The following USP46 variants were observed in gnomAD, a reference collection of about 807,000 sequenced individuals.
The protein encoded by USP46 is ubiquitin specific peptidase 46, also known as ubiquitin carboxyl-terminal hydrolase 46.
In USP46, 12 loss-of-function variants were observed where a neutral mutation model predicts 44.4. The observed-to-expected ratio is 0.27, with a 90% CI of 0.17 to 0.44. The LOEUF (loss-of-function observed/expected upper bound fraction) is 0.44. Ranked by LOEUF, USP46 falls within the 20% of genes least tolerant of loss-of-function variation. The pLI is 1.00. For missense variants in USP46, 248 were observed against 444.8 expected (o/e 0.56, Z 3.98); for synonymous variants, 155 against 161.5 (o/e 0.96, Z 0.31).
At chr4:52,599,644 C>A (rs1716383914) in intron 7 of USP46, among the ~76,000 whole-genome samples, 1 of 152,144 alleles carries the variant, frequency 6.6e-6, no homozygotes, top group African/African-American at 2.4e-5. Flanking sequence ...AACTAAGCAC[C>A]TGTTACTATG....
At chr4:52,654,674 G>T (rs565815110) in intron 1 of USP46, among the ~76,000 whole-genome samples, 1 of 152,254 alleles carries the variant, frequency 6.6e-6, no homozygotes, top group South Asian at 2.1e-4. Context: ...GGTATTACCA[G>T]TGAGCCACCA....
At position 52,599,880 on chromosome 4, in the gene USP46, C is replaced by G. The variant is rs371668124; in HGVS notation, c.921-1174G>C. Among the ~76,000 whole-genome samples, 95 of 152,050 alleles carry G rather than the reference C, an allele frequency of 6.2e-4. 1 individual carries two copies. The South Asian group carries it at 0.019, about 31-fold the overall frequency. On this transcript the variant is annotated intron_variant, in intron 7 of 8. Transcript: ENST00000441222. ...ATCTGGCTCCTCTCACACACTGCCC[C>G]CTTCATATTATGGGCCTTTGCATTG...
chr4:52,601,344 C>G (rs1001346721), intron 7 of USP46, among the ~76,000 whole-genome samples: 5 of 152,110 alleles, frequency 3.3e-5, no homozygotes, highest in Admixed American at 1.3e-4. Flanking sequence ...CCTTCTCTCT[C>G]TTATCTTTTT....
At chr4:52,653,919 C>A (rs974444094) in intron 1 of USP46, among the ~76,000 whole-genome samples, 1 of 152,094 alleles carries the variant, frequency 6.6e-6, no homozygotes, top group Non-Finnish European at 1.5e-5. Flanking sequence ...TCAATTATAA[C>A]CCAAACATAC....
chr4:52,637,132 G>A (rs2109648643), intron 1 of USP46, among the ~76,000 whole-genome samples: 2 of 152,276 alleles, frequency 1.3e-5, no homozygotes, highest in East Asian at 3.9e-4. Context: ...CTTAAGACTT[G>A]TCTCTACTTC....
Position 52,593,670 on chromosome 4 carries a change from G to A in USP46, c.*3970C>T, listed in dbSNP as rs542950547. The stretch of plus-strand genomic sequence containing the variant: ...ACGTGAGTATTTCTGAAGCTGGGGG[G>A]TCCCCCATGGCTCAGAAACAGGCCC... On this transcript the variant is annotated 3_prime_UTR_variant, in exon 9 of 9. Transcript: ENST00000441222. 7 of 152,374 alleles carry A rather than the reference G, an allele frequency of 4.6e-5. No individual in the cohort carries two copies. Among genetic ancestry groups the A allele is most frequent in the South Asian group, 2.1e-4 (1 of 4,836 alleles). 9.4% of individuals were successfully genotyped at this position (152,374 alleles called of 1,614,324 possible). A position where few individuals can be genotyped will look rare whatever the true frequency, so the allele number is the denominator to read the frequency against.
chr4:52,618,488 TA>T (rs368247527), intron 4 of USP46, among the ~76,000 whole-genome samples: 11 of 148,868 alleles, frequency 7.4e-5, no homozygotes, highest in Non-Finnish European at 1.6e-4. Flanking sequence ...AGACTCCATC[TA>T]AAAAAAAAAT....
intron 1 of USP46, among the ~76,000 whole-genome samples, chr4:52,649,052 C>T (rs899343062): frequency 1.3e-5 from 2 of 152,172 alleles, no homozygotes; most frequent in Non-Finnish European, 2.9e-5. Flanking sequence ...CCACAGGGCC[C>T]CCTCACCACC....
At chr4:52,621,840 T>C (rs1202558037) in intron 4 of USP46, among the ~76,000 whole-genome samples, 1 of 152,114 alleles carries the variant, frequency 6.6e-6, no homozygotes, top group Non-Finnish European at 1.5e-5. Context: ...AGCAGCACTG[T>C]CTACAAGCCA....
At chr4:52,616,817 A>G (rs1356215937) in intron 4 of USP46, among the ~76,000 whole-genome samples, 1 of 152,238 alleles carries the variant, frequency 6.6e-6, no homozygotes. Context: ...CAATACTATT[A>G]GGATATATAA....
intron 4 of USP46, among the ~76,000 whole-genome samples, chr4:52,616,645 T>C (rs747153860): frequency 6.6e-6 from 1 of 152,200 alleles, no homozygotes; most frequent in Non-Finnish European, 1.5e-5. Context: ...AGTGCTAGGA[T>C]TATAGGCATG....
At chr4:52,603,144 G>A (rs187092930) in intron 6 of USP46, among the ~76,000 whole-genome samples, 1 of 152,282 alleles carries the variant, frequency 6.6e-6, no homozygotes, top group East Asian at 1.9e-4. Flanking sequence ...GAAGTATGGG[G>A]AACCCCATGT....
intron 1 of USP46, among the ~76,000 whole-genome samples, chr4:52,646,634 C>T (rs557501087): frequency 1.3e-5 from 2 of 151,970 alleles, no homozygotes; most frequent in South Asian, 4.2e-4. Context: ...GCTAGTTATT[C>T]CTTTTTATTG....
At chr4:52,628,249 G>T in intron 2 of USP46, 86 bp from the exon 3 acceptor site, 1 of 1,378,082 alleles carries the variant, frequency 7.3e-7, no homozygotes, top group Non-Finnish European at 1.0e-6. Flanking sequence ...GAAGGTCCCT[G>T]CTCCGTGAAC....
intron 7 of USP46, 125 bp downstream of exon 7, chr4:52,601,732 A>C: frequency 1.1e-6 from 1 of 905,988 alleles, no homozygotes; most frequent in Admixed American, 3.4e-5. Flanking sequence ...ATGATCAGTA[A>C]GAGTTTGGCA....
At chr4:52,601,319 C>A (rs1042785738) in intron 7 of USP46, among the ~76,000 whole-genome samples, 5 of 152,178 alleles carry the variant, frequency 3.3e-5, no homozygotes, top group Non-Finnish European at 5.9e-5. Context: ...TGCTTTGCCT[C>A]TCCATATCTA....
chr4:52,623,427 G>A lies in USP46; in HGVS notation c.561+2591C>T, dbSNP rs182419128. Among the ~76,000 whole-genome samples the A allele has an allele frequency of 2.0e-3, 304 of 152,278 alleles. 2 individuals carry two copies. Among genetic ancestry groups the A allele is most frequent in the Admixed American group, 5.8e-3 (89 of 15,298 alleles). ...TCACAAAATGGTAACACAAAAGACAGAGGGCGATAAAGTATATTAAAGGCT... is the reference window on the plus strand; with the variant it reads ...TCACAAAATGGTAACACAAAAGACAAAGGGCGATAAAGTATATTAAAGGCT... On this transcript the variant is annotated intron_variant, in intron 4 of 8. Transcript: ENST00000441222.
At chr4:52,635,492 C>T (rs1219430842) in intron 1 of USP46, among the ~76,000 whole-genome samples, 1 of 152,162 alleles carries the variant, frequency 6.6e-6, no homozygotes, top group Non-Finnish European at 1.5e-5. Context: ...TTCCAATGGT[C>T]CCCAAGTTCC....
At chr4:52,614,235 G>C (rs375814806) in intron 4 of USP46, among the ~76,000 whole-genome samples, 1 of 152,170 alleles carries the variant, frequency 6.6e-6, no homozygotes. Context: ...GGAGAAAAGG[G>C]AGAATAGGGC....
Sources: allele counts gnomAD v4.1 joint callset (sites outside exome capture counted in the v4.1 genomes callset), GRCh38; gene constraint gnomAD v4.1.1; transcripts MANE v1.5; gene names NCBI Gene and HGNC (gene_info 2026-07-23, HGNC 2026-07-21).